Variants in MDGA2 observed in about 807,000 individuals in gnomAD.
MDGA2 encodes MAM domain-containing glycosylphosphatidylinositol anchor protein 2.
A neutral mutation model predicts 117.8 loss-of-function variants in MDGA2; 40 were observed. The ratio of observed to expected loss-of-function variants is 0.34; its 90% CI spans 0.26 to 0.44. MDGA2 has a LOEUF of 0.44. MDGA2 is among the 20% of genes least tolerant of loss of function. The pLI, the probability that MDGA2 is intolerant of heterozygous loss-of-function variation, is 1.00. For missense variants in MDGA2, 1,123 were observed against 1,250.6 expected (o/e 0.90, Z 1.54); for synonymous variants, 452 against 439.0 (o/e 1.03, Z -0.37).
Position 47,628,841 on chromosome 14 carries a change from T to G in MDGA2, c.280+45676A>C, listed in dbSNP as rs188199597. Among the ~76,000 whole-genome samples, 5 of 152,354 alleles carry G rather than the reference T, an allele frequency of 3.3e-5. No individual in the cohort carries two copies. The East Asian group carries it at 9.7e-4, about 29-fold the overall frequency. ...AGCTTTAGAAAGTCTCGAAGGAAAC[T>G]GCTGCGTTTGAGGACTTTCCTCCTT... On this transcript the variant is annotated intron_variant, in intron 1 of 16. Coordinates refer to ENST00000399232, the MANE Select transcript of MDGA2 (RefSeq NM_001113498.3).
At chr14:46,961,646 A>ATT (rs1269991261) in intron 8 of MDGA2, among the ~76,000 whole-genome samples, 104 of 145,152 alleles carry the variant, frequency 7.2e-4, no homozygotes, top group East Asian at 3.7e-3. Flanking sequence ...CTGCCTGATA[A>ATT]TTTTTTTTTT....
intron 2 of MDGA2, among the ~76,000 whole-genome samples, chr14:47,267,301 T>A (rs181205006): frequency 6.6e-6 from 1 of 152,140 alleles, no homozygotes; most frequent in Non-Finnish European, 1.5e-5. Flanking sequence ...TCTTTAAAAT[T>A]AAGATCACAA....
At chr14:47,269,386 A>G (rs528195329) in intron 2 of MDGA2, among the ~76,000 whole-genome samples, 178 of 152,304 alleles carry the variant, frequency 1.2e-3, no homozygotes, top group African/African-American at 4.2e-3. Context: ...AAAAGACTAG[A>G]CAGGACAGTT....
intron 8 of MDGA2, among the ~76,000 whole-genome samples, chr14:47,010,615 C>A (rs1422361021): frequency 1.3e-5 from 2 of 151,954 alleles, no homozygotes; most frequent in African/African-American, 4.8e-5. Context: ...GAGTCATTAA[C>A]ACAATGCAAA....
chr14:47,280,930 G>A (rs895933181), intron 2 of MDGA2, among the ~76,000 whole-genome samples: 3 of 146,138 alleles, frequency 2.1e-5, no homozygotes, highest in African/African-American at 7.5e-5. Context: ...TTTAAACCTT[G>A]TAATATAAAC....
Position 47,144,238 on chromosome 14 carries a change from A to G in MDGA2, c.632T>C (p.Ile211Thr), listed in dbSNP as rs1004969738. The stretch of plus-strand genomic sequence containing the variant: ...GTAAAATTGTTCTTTAGCTTCACCT[A>G]TACTTTGATGAACAGTTACTACTGG... ...DDPVVTVHQS[I>T]GEAKEQFYYE... The change falls in exon 4 of 17, where the codon ATA (isoleucine) becomes ACA (threonine). Residue 211 changes from isoleucine to threonine, a missense_variant. Transcript: ENST00000399232. 6 of 1,551,090 alleles carry G rather than the reference A, an allele frequency of 3.9e-6. No homozygotes were observed. In the African/African-American group the frequency reaches 8.2e-5, roughly 21 times the overall value.
chr14:47,275,162 G>A (rs1424743131), intron 2 of MDGA2, among the ~76,000 whole-genome samples: 1 of 152,132 alleles, frequency 6.6e-6, no homozygotes, highest in Non-Finnish European at 1.5e-5. Flanking sequence ...TGATGAGTAA[G>A]AAGGAACAAA....
chr14:47,109,081 C>T (rs1468844017), intron 5 of MDGA2, among the ~76,000 whole-genome samples: 1 of 152,188 alleles, frequency 6.6e-6, no homozygotes, highest in African/African-American at 2.4e-5. Flanking sequence ...TCACTTGCTG[C>T]AGAATCCCAG....
intron 1 of MDGA2, among the ~76,000 whole-genome samples, chr14:47,484,383 C>A (rs1894015402): frequency 6.6e-6 from 1 of 152,050 alleles, no homozygotes; most frequent in East Asian, 1.9e-4. Context: ...TAGAGCAGCC[C>A]TTGATGACAA....
At chr14:47,579,841 C>G (rs1423048818) in intron 1 of MDGA2, among the ~76,000 whole-genome samples, 1 of 152,042 alleles carries the variant, frequency 6.6e-6, no homozygotes, top group Non-Finnish European at 1.5e-5. Flanking sequence ...GCTACACATC[C>G]ATTTTCCAGG....
At chr14:47,473,686 T>A (rs1893776159) in intron 1 of MDGA2, among the ~76,000 whole-genome samples, 1 of 151,848 alleles carries the variant, frequency 6.6e-6, no homozygotes, top group African/African-American at 2.4e-5. Context: ...AAAAAAAGAA[T>A]AAGATTATCA....
chr14:47,356,514 C>T (rs1279066302), intron 1 of MDGA2, among the ~76,000 whole-genome samples: 1 of 152,082 alleles, frequency 6.6e-6, no homozygotes, highest in Non-Finnish European at 1.5e-5. Context: ...ATATGCCATG[C>T]GTATCCCCAG....
At chr14:47,303,482 T>G (rs1463873146) in intron 1 of MDGA2, among the ~76,000 whole-genome samples, 1 of 152,126 alleles carries the variant, frequency 6.6e-6, no homozygotes, top group East Asian at 1.9e-4. Flanking sequence ...GGTGTTTCTC[T>G]TAGTGCTCTG....
At chr14:47,399,755 G>T (rs1270306446) in intron 1 of MDGA2, among the ~76,000 whole-genome samples, 2 of 151,754 alleles carry the variant, frequency 1.3e-5, no homozygotes, top group African/African-American at 4.8e-5. Context: ...AATCATGTCT[G>T]TTTTTTTGTT....
chr14:47,073,708 G>A (rs150979819), intron 6 of MDGA2, among the ~76,000 whole-genome samples: 24 of 152,214 alleles, frequency 1.6e-4, no homozygotes, highest in African/African-American at 4.8e-4. Flanking sequence ...CTGAGAATTC[G>A]GGGATAAAAG....
intron 6 of MDGA2, among the ~76,000 whole-genome samples, chr14:47,072,064 C>T (rs560591783): frequency 5.9e-4 from 73 of 124,546 alleles, no homozygotes; most frequent in African/African-American, 2.0e-3. Context: ...TTATATTCTA[C>T]GAAAATGACC....
intron 1 of MDGA2, among the ~76,000 whole-genome samples, chr14:47,306,572 C>T (rs1387400142): frequency 2.0e-5 from 3 of 152,192 alleles, no homozygotes; most frequent in Non-Finnish European, 2.9e-5. Context: ...TTAGTTAAAT[C>T]TCTCAAATCC....
At chr14:47,595,182 G>A (rs1896512976) in intron 1 of MDGA2, among the ~76,000 whole-genome samples, 1 of 151,584 alleles carries the variant, frequency 6.6e-6, no homozygotes, top group South Asian at 2.1e-4. Flanking sequence ...AGTGACTAAT[G>A]TAATAATTGG....
chr14:46,915,698 G>C (rs958523720), intron 10 of MDGA2, among the ~76,000 whole-genome samples: 2 of 152,160 alleles, frequency 1.3e-5, no homozygotes, highest in Admixed American at 1.3e-4. Context: ...GGTCACGCCT[G>C]CTTCCACTCA....
Sources: gnomAD v4.1 joint callset for allele counts (sites outside exome capture counted in the v4.1 genomes callset) on GRCh38, gnomAD v4.1.1 for gene constraint, MANE v1.5 for transcripts, NCBI Gene and HGNC (gene_info 2026-07-23, HGNC 2026-07-21) for gene names.